Variants in PARD6B observed in about 807,000 individuals in gnomAD.
The protein encoded by PARD6B is par-6 family cell polarity regulator beta.
In PARD6B, 4 loss-of-function variants were observed where a neutral mutation model predicts 10.5. The ratio of observed to expected loss-of-function variants is 0.38; its 90% CI spans 0.19 to 0.87. The LOEUF (loss-of-function observed/expected upper bound fraction) is 0.87, where lower values mean the gene tolerates loss of function less well. PARD6B is among the 40% of genes least tolerant of loss of function. The pLI, the probability that PARD6B is intolerant of heterozygous loss-of-function variation, is 0.41. For missense variants in PARD6B, 396 were observed against 470.6 expected (o/e 0.84, Z 1.47); for synonymous variants, 169 against 170.4 (o/e 0.99, Z 0.07).
chr20:50,748,276 G>A (rs773962095), intron 2 of PARD6B, among the ~76,000 whole-genome samples: 1 of 152,242 alleles, frequency 6.6e-6, no homozygotes, highest in East Asian at 1.9e-4. Context: ...CCTGGGAGGC[G>A]GGGGTGGCAG....
chr20:50,734,606 C>T (rs1045024489), intron 1 of PARD6B, among the ~76,000 whole-genome samples: 2 of 152,100 alleles, frequency 1.3e-5, no homozygotes, highest in Non-Finnish European at 2.9e-5. Flanking sequence ...GTGATCCGCC[C>T]GTCTCTACCT....
chr20:50,734,057 T>A (rs2087486312), intron 1 of PARD6B, among the ~76,000 whole-genome samples: 1 of 152,226 alleles, frequency 6.6e-6, no homozygotes. Flanking sequence ...AATCATACAC[T>A]GATTCTAGGA....
At chr20:50,746,572 T>C (rs888231412) in intron 2 of PARD6B, among the ~76,000 whole-genome samples, 1 of 152,256 alleles carries the variant, frequency 6.6e-6, no homozygotes, top group African/African-American at 2.4e-5. Flanking sequence ...CCTTTACACT[T>C]TAACACCCTG....
At position 50,751,588 on chromosome 20, in the gene PARD6B, C is replaced by T. The variant is rs1439006282; in HGVS notation, c.*1100C>T. 6.2e-6 allele frequency: 6 copies of T among 964,146 alleles called. No homozygotes were observed. Among genetic ancestry groups the T allele is most frequent in the East Asian group, 1.2e-4 (1 of 8,632 alleles). The allele number at this position is 964,146 out of a possible 1,614,324, so 59.7% of individuals were successfully genotyped here. A position where few individuals can be genotyped will look rare whatever the true frequency, so the allele number is the denominator to read the frequency against. On this transcript the variant is annotated 3_prime_UTR_variant, in exon 3 of 3. Transcript: ENST00000371610. ...GTCTCAATCTCCTGACCTCCTGATCCGCCCGCCTCGGCCTCCCAAAGTGCT... is the reference window on the plus strand; with the variant it reads ...GTCTCAATCTCCTGACCTCCTGATCTGCCCGCCTCGGCCTCCCAAAGTGCT...
At chr20:50,738,329 T>A (rs1386363449) in intron 2 of PARD6B, among the ~76,000 whole-genome samples, 1 of 152,268 alleles carries the variant, frequency 6.6e-6, no homozygotes, top group Non-Finnish European at 1.5e-5. Flanking sequence ...TGGTTTTATT[T>A]TTCCTTAAGT....
intron 2 of PARD6B, among the ~76,000 whole-genome samples, chr20:50,740,457 A>C (rs191452109): frequency 8.9e-4 from 136 of 152,296 alleles, no homozygotes; most frequent in African/African-American, 3.1e-3. Flanking sequence ...TTATACCACC[A>C]CATGTTTTGT....
intron 2 of PARD6B, among the ~76,000 whole-genome samples, chr20:50,743,746 G>A (rs1025144571): frequency 2.6e-5 from 4 of 151,870 alleles, no homozygotes; most frequent in Non-Finnish European, 5.9e-5. Context: ...AAAATTAGCC[G>A]GGCTTGGTGG....
chr20:50,747,525 G>T (rs2123707170), intron 2 of PARD6B, among the ~76,000 whole-genome samples: 1 of 101,952 alleles, frequency 9.8e-6, no homozygotes, highest in African/African-American at 3.7e-5. Flanking sequence ...CTAGCCACTG[G>T]AAAACCAGGG....
At chr20:50,741,267 TTGTTTC>T (rs1223334867) in intron 2 of PARD6B, among the ~76,000 whole-genome samples, 2 of 151,866 alleles carry the variant, frequency 1.3e-5, no homozygotes, top group African/African-American at 4.8e-5. Context: ...AGCCGTTAGC[TTGTTTC>T]TGTTTCTGTG....
At chr20:50,749,631 A>T (rs368652098) in intron 2 of PARD6B, 28 bp from the exon 3 acceptor site, 1 of 1,509,434 alleles carries the variant, frequency 6.6e-7, no homozygotes, top group Non-Finnish European at 8.9e-7. Flanking sequence ...CAGCATTTCT[A>T]TAATTATTTT....
Position 50,752,607 on chromosome 20 carries a change from T to G in PARD6B, c.*2119T>G. 1.0e-6 allele frequency: 1 copy of G among 981,918 alleles called. No individual in the cohort carries two copies. Among genetic ancestry groups the G allele is most frequent in the Non-Finnish European group, 1.2e-6 (1 of 826,324 alleles). 60.8% of individuals were successfully genotyped at this position (981,918 alleles called of 1,614,324 possible). ...TACTATGAAGTACATAAGTTCCCTATGGCTTATGGAGAGTTATTTATTAAT... is the reference window on the plus strand; with the variant it reads ...TACTATGAAGTACATAAGTTCCCTAGGGCTTATGGAGAGTTATTTATTAAT... On this transcript the variant is annotated 3_prime_UTR_variant, in exon 3 of 3. Transcript: ENST00000371610.
In PARD6B at chr20:50,753,596, T is replaced by C; in HGVS notation, c.*3108T>C. ...CATGATTTTTACATGAATGATACTT[T>C]GTTTATAACTATCAAATGTCAGTAT... On this transcript the variant is annotated 3_prime_UTR_variant, in exon 3 of 3. Transcript: ENST00000371610. 1 of 818,386 alleles carries C rather than the reference T, an allele frequency of 1.2e-6. No homozygotes were observed. The highest frequency in any genetic ancestry group is 1.5e-6 in the Non-Finnish European group (1 of 677,424). The allele number at this position is 818,386 out of a possible 1,614,324, so 50.7% of individuals were successfully genotyped here. A position where few individuals can be genotyped will look rare whatever the true frequency, so the allele number is the denominator to read the frequency against.
At chr20:50,743,923 TCTCAGTATGTGACACCAGTTA>T (rs1325713524) in intron 2 of PARD6B, among the ~76,000 whole-genome samples, 1 of 150,546 alleles carries the variant, frequency 6.6e-6, no homozygotes, top group Non-Finnish European at 1.5e-5. Context: ...TGGAGTAACA[TCTCAGTATGTGACACCAGTTA>T]CTCACAACAG....
In PARD6B at chr20:50,751,620, A is replaced by G. The variant is rs892944303; in HGVS notation, c.*1132A>G. 7 of 984,780 alleles carry G rather than the reference A, an allele frequency of 7.1e-6. No individual in the cohort carries two copies. The highest frequency in any genetic ancestry group is 8.4e-6 in the Non-Finnish European group (7 of 829,746). The allele number at this position is 984,780 out of a possible 1,614,324, so 61.0% of individuals were successfully genotyped here. ...CTCGGCCTCCCAAAGTGCTGGGATT[A>G]CAGGCGTGAGCCACCGCGCCCAGTT... On this transcript the variant is annotated 3_prime_UTR_variant, in exon 3 of 3. Transcript: ENST00000371610.
chr20:50,745,931 TTA>T (rs2087565475), intron 2 of PARD6B, among the ~76,000 whole-genome samples: 1 of 152,234 alleles, frequency 6.6e-6, no homozygotes, highest in Non-Finnish European at 1.5e-5. Flanking sequence ...TTAGAACATT[TTA>T]AAACATTATT....
At chr20:50,745,017 C>T (rs1488827876) in intron 2 of PARD6B, among the ~76,000 whole-genome samples, 2 of 152,216 alleles carry the variant, frequency 1.3e-5, no homozygotes, top group African/African-American at 4.8e-5. Flanking sequence ...GAGCACAATT[C>T]CTGGCACATA....
In PARD6B at chr20:50,751,637, C is replaced by G; in HGVS notation, c.*1149C>G. The G allele has an allele frequency of 1.0e-6, 1 of 985,112 alleles. No individual in the cohort carries two copies. Among genetic ancestry groups the G allele is most frequent in the African/African-American group, 1.7e-5 (1 of 57,258 alleles). The allele number at this position is 985,112 out of a possible 1,614,324, so 61.0% of individuals were successfully genotyped here. On this transcript the variant is annotated 3_prime_UTR_variant, in exon 3 of 3. Coordinates refer to ENST00000371610, the MANE Select transcript of PARD6B (RefSeq NM_032521.3). ...CTGGGATTACAGGCGTGAGCCACCG[C>G]GCCCAGTTGTGCATTTCTGGTTTCT...
intron 1 of PARD6B, among the ~76,000 whole-genome samples, chr20:50,737,620 T>C (rs1486116234): frequency 6.6e-6 from 1 of 152,056 alleles, no homozygotes; most frequent in Non-Finnish European, 1.5e-5. Context: ...ATAGATAGAG[T>C]TGAGCCTGCC....
chr20:50,745,994 T>C (rs1288912045), intron 2 of PARD6B, among the ~76,000 whole-genome samples: 1 of 152,240 alleles, frequency 6.6e-6, no homozygotes, highest in Non-Finnish European at 1.5e-5. Flanking sequence ...AATCTTGAAC[T>C]TTGTTGATGG....
Sources: gnomAD v4.1 joint callset for allele counts (sites outside exome capture counted in the v4.1 genomes callset) on GRCh38, gnomAD v4.1.1 for gene constraint, MANE v1.5 for transcripts, NCBI Gene and HGNC (gene_info 2026-07-23, HGNC 2026-07-21) for gene names.